Variants in S100A10 observed in about 807,000 individuals in gnomAD.
S100A10 encodes S100 calcium binding protein A10, also known as protein S100-A10.
Under a neutral mutation model 7.1 loss-of-function variants are expected in S100A10, and 3 were observed. That is an observed-to-expected ratio of 0.42 (90% CI 0.19 to 1.10). S100A10 has a LOEUF of 1.10. S100A10 is among the 50% of genes least tolerant of loss of function. The probability of loss-of-function intolerance (pLI) is 0.29; values close to 1 mark genes in which losing one functional copy is unlikely to be tolerated. For missense variants in S100A10, 101 were observed against 118.1 expected (o/e 0.86, Z 0.67); for synonymous variants, 41 against 39.3 (o/e 1.04, Z -0.16).
chr1:151,987,601 G>A (rs1394824613), intron 1 of S100A10, among the ~76,000 whole-genome samples: 1 of 146,508 alleles, frequency 6.8e-6, no homozygotes, highest in East Asian at 2.0e-4. Context: ...GTGCAGTGGC[G>A]CCATCTCGGC....
At chr1:151,986,846 A>G (rs1655800623) in intron 1 of S100A10, among the ~76,000 whole-genome samples, 1 of 152,218 alleles carries the variant, frequency 6.6e-6, no homozygotes, top group South Asian at 2.1e-4. Context: ...CTCCAGCTTT[A>G]AAATTCAGTG....
At chr1:151,986,050 G>GA (rs1655781380) in intron 2 of S100A10, 49 bp downstream of exon 2, 1 of 1,518,016 alleles carries the variant, frequency 6.6e-7, no homozygotes, top group African/African-American at 1.4e-5. Flanking sequence ...CCAAGGCCTA[G>GA]AAGCATTGAC....
At chr1:151,991,862 C>T (rs1290969375) in intron 1 of S100A10, among the ~76,000 whole-genome samples, 2 of 152,150 alleles carry the variant, frequency 1.3e-5, no homozygotes, top group African/African-American at 4.8e-5. Flanking sequence ...ACTGGAGTGG[C>T]TGCTTAGGAG....
At position 151,993,723 on chromosome 1, in the gene S100A10, G is replaced by A. The variant is rs1404266336; in HGVS notation, c.-22+29C>T. 2.6e-5 allele frequency: 4 copies of A among 153,130 alleles called. No homozygotes were observed. Among genetic ancestry groups the A allele is most frequent in the Non-Finnish European group, 5.8e-5 (4 of 68,676 alleles). The allele number at this position is 153,130 out of a possible 1,614,324, so 9.5% of individuals were successfully genotyped here. ...AGGTCCGGGCCTGGGGACTACCCAG[G>A]AGGGGCGCGTGGGCCGGGCGGAGCT... On this transcript the variant is annotated intron_variant, in intron 1 of 2. Coordinates refer to ENST00000368811, the MANE Select transcript of S100A10 (RefSeq NM_002966.3). The surrounding 1 kb of genome is among the most constrained non-coding windows in gnomAD (Gnocchi z 5.1).
At chr1:151,987,774 C>T (rs1192612966) in intron 1 of S100A10, among the ~76,000 whole-genome samples, 1 of 152,100 alleles carries the variant, frequency 6.6e-6, no homozygotes, top group Admixed American at 6.5e-5. Flanking sequence ...GTGATCCGCC[C>T]ACCTCGGCCT....
chr1:151,988,843 T>C (rs1200063985), intron 1 of S100A10, among the ~76,000 whole-genome samples: 1 of 152,184 alleles, frequency 6.6e-6, no homozygotes, highest in Non-Finnish European at 1.5e-5. Context: ...AGAACTGAAC[T>C]GGGCGAGTCA....
rs193084589 is a variant in S100A10, at chr1:151,989,547, G to A, written c.-21-3296C>T. Among the ~76,000 whole-genome samples the A allele has an allele frequency of 1.8e-3, 277 of 152,306 alleles. 5 individuals carry two copies. In the East Asian group the frequency reaches 0.028, roughly 15 times the overall value. On this transcript the variant is annotated intron_variant, in intron 1 of 2. Coordinates refer to ENST00000368811, the MANE Select transcript of S100A10 (RefSeq NM_002966.3). ...GGCCACAGCAAGGAACTCTGTTTTG[G>A]GGAAGGAGTTGCACACTGGCTTTAA... is the stretch of plus-strand genomic sequence containing the variant.
chr1:151,983,111 G>C lies in S100A10; in HGVS notation c.*52C>G. ...GGAAGCTGTGGGGCAGATTCCTTAA[G>C]CGACCCTTTGGGACAACTCTTATCA... On this transcript the variant is annotated 3_prime_UTR_variant, in exon 3 of 3. Transcript: ENST00000368811. 7.5e-7 allele frequency: 1 copy of C among 1,339,400 alleles called. No homozygotes were observed. The highest frequency in any genetic ancestry group is 9.8e-7 in the Non-Finnish European group (1 of 1,020,088). The allele number at this position is 1,339,400 out of a possible 1,614,324, so 83.0% of individuals were successfully genotyped here.
At chr1:151,987,027 CTT>C (rs386368314) in intron 1 of S100A10, among the ~76,000 whole-genome samples, 10 of 83,522 alleles carry the variant, frequency 1.2e-4, no homozygotes, top group African/African-American at 2.4e-4. Flanking sequence ...CAGTGTTCCT[CTT>C]TTTTTTTTTT....
intron 1 of S100A10, among the ~76,000 whole-genome samples, chr1:151,988,636 T>C (rs1655845826): frequency 6.6e-6 from 1 of 152,250 alleles, no homozygotes. Flanking sequence ...GGCAGTTAGT[T>C]ATCTTGGAGA....
intron 1 of S100A10, among the ~76,000 whole-genome samples, chr1:151,991,949 A>T (rs1655913789): frequency 6.6e-6 from 1 of 152,208 alleles, no homozygotes; most frequent in Non-Finnish European, 1.5e-5. Context: ...CCCAGAAAGC[A>T]GGGTAAGACC....
At position 151,993,419 on chromosome 1, in the gene S100A10, G is replaced by A. The variant is rs1655950675; in HGVS notation, c.-22+333C>T. Reference sequence around the variant, plus strand: ...GGTAACCCGAGAGACGAGTGGGAAAGTAGGAAAGGTGGGAGTAAAGCAACG... The same window carrying A: ...GGTAACCCGAGAGACGAGTGGGAAAATAGGAAAGGTGGGAGTAAAGCAACG... On this transcript the variant is annotated intron_variant, in intron 1 of 2. Coordinates refer to ENST00000368811, the MANE Select transcript of S100A10 (RefSeq NM_002966.3). This position sits in a 1 kb window ranked among gnomAD's most constrained non-coding sequence, Gnocchi z 5.1. Among the ~76,000 whole-genome samples the A allele has an allele frequency of 1.3e-5, 2 of 152,214 alleles. No individual in the cohort carries two copies. Among genetic ancestry groups the A allele is most frequent in the African/African-American group, 4.8e-5 (2 of 41,468 alleles).
At chr1:151,984,346 C>T (rs897727527) in intron 2 of S100A10, among the ~76,000 whole-genome samples, 1 of 152,114 alleles carries the variant, frequency 6.6e-6, no homozygotes, top group African/African-American at 2.4e-5. Context: ...CACATGAGCA[C>T]TGCAAACTCC....
chr1:151,988,576 A>T (rs1655844837), intron 1 of S100A10, among the ~76,000 whole-genome samples: 1 of 152,256 alleles, frequency 6.6e-6, no homozygotes, highest in Non-Finnish European at 1.5e-5. Flanking sequence ...TATGGGAACC[A>T]GCAGGCCAAA....
At chr1:151,990,173 A>C (rs1040928248) in intron 1 of S100A10, among the ~76,000 whole-genome samples, 1 of 152,210 alleles carries the variant, frequency 6.6e-6, no homozygotes, top group African/African-American at 2.4e-5. Context: ...AGAGCTGGGA[A>C]GGGCCAGGAA....
intron 1 of S100A10, among the ~76,000 whole-genome samples, chr1:151,989,316 T>C (rs1306134084): frequency 6.6e-6 from 1 of 152,142 alleles, no homozygotes; most frequent in Non-Finnish European, 1.5e-5. Context: ...TTCTCCCACT[T>C]GGTCTTCCCC....
At chr1:151,987,027 CTTTTTTT>C (rs386368314) in intron 1 of S100A10, among the ~76,000 whole-genome samples, 8 of 83,524 alleles carry the variant, frequency 9.6e-5, no homozygotes, top group Admixed American at 5.4e-4. Flanking sequence ...CAGTGTTCCT[CTTTTTTT>C]TTTTTTTTTT....
In S100A10 at chr1:151,987,538, C is replaced by CTT. The variant is rs11383937; in HGVS notation, c.-21-1289_-21-1288dup. On this transcript the variant is annotated intron_variant, in intron 1 of 2. Coordinates refer to ENST00000368811, the MANE Select transcript of S100A10 (RefSeq NM_002966.3). ...TTTATCTGCTGGGTATATATGTATT[C>CTT]TTTTTTTTTTTTTTTTTTTGAGACG... Among the ~76,000 whole-genome samples the CTT allele has an allele frequency of 4.6e-3, 535 of 116,290 alleles. 16 individuals are homozygous for CTT. Among genetic ancestry groups the CTT allele is most frequent in the East Asian group, 0.035 (140 of 3,950 alleles). 76.3% of individuals were successfully genotyped at this position (116,290 alleles called of 152,430 possible).
intron 1 of S100A10, among the ~76,000 whole-genome samples, chr1:151,991,012 G>C (rs774812415): frequency 7.9e-5 from 12 of 152,126 alleles, no homozygotes; most frequent in African/African-American, 2.9e-4. Flanking sequence ...CCAGATCCCG[G>C]CTGCAGTTTC....
Sources: allele counts gnomAD v4.1 joint callset (sites outside exome capture counted in the v4.1 genomes callset), GRCh38; gene constraint gnomAD v4.1.1; non-coding constraint Gnocchi (gnomAD v3.1); transcripts MANE v1.5; gene names NCBI Gene and HGNC (gene_info 2026-07-23, HGNC 2026-07-21).